Variants in SPIN1 observed in about 807,000 individuals in gnomAD.
SPIN1 encodes the protein spindlin 1.
Under a neutral mutation model 26.0 loss-of-function variants are expected in SPIN1, and 3 were observed. The ratio of observed to expected loss-of-function variants is 0.12; its 90% CI spans 0.05 to 0.30. The LOEUF (loss-of-function observed/expected upper bound fraction) is 0.30. Among genes scored for constraint, SPIN1 ranks in the 10% least tolerant of loss-of-function variants. SPIN1 has a pLI of 1.00. For synonymous variants in SPIN1, 101 were observed against 116.5 expected (o/e 0.87, Z 0.86); for missense variants, 126 against 333.4 (o/e 0.38, Z 4.84).
chr9:88,456,750 C>G (rs1828480512), intron 3 of SPIN1, among the ~76,000 whole-genome samples: 1 of 152,088 alleles, frequency 6.6e-6, no homozygotes, highest in African/African-American at 2.4e-5. Context: ...CATGAGGCAT[C>G]TTAGAGCACT....
intron 3 of SPIN1, among the ~76,000 whole-genome samples, chr9:88,454,548 C>A (rs1007561268): frequency 5.3e-5 from 8 of 151,862 alleles, no homozygotes; most frequent in Non-Finnish European, 1.0e-4. Flanking sequence ...ATTAAAATTT[C>A]TTTTAGGAAC....
At chr9:88,436,319 A>C (rs1587797461) in intron 2 of SPIN1, among the ~76,000 whole-genome samples, 1 of 152,220 alleles carries the variant, frequency 6.6e-6, no homozygotes, top group Non-Finnish European at 1.5e-5. Context: ...TTAGAGTTGC[A>C]AAGAGATAAC....
chr9:88,453,640 C>T (rs1828407542), intron 3 of SPIN1, among the ~76,000 whole-genome samples: 2 of 152,106 alleles, frequency 1.3e-5, no homozygotes, highest in South Asian at 4.1e-4. Context: ...GATTCTTCCG[C>T]CTCAGCCTTC....
intron 1 of SPIN1, 67 bp from the exon 2 acceptor site, chr9:88,426,315 A>C (rs1827765063): frequency 2.6e-6 from 1 of 388,980 alleles, no homozygotes; most frequent in East Asian, 4.4e-5. Context: ...TTTTATGTTT[A>C]ATGGCTCACT....
chr9:88,417,701 G>A (rs1250269165), intron 1 of SPIN1, among the ~76,000 whole-genome samples: 1 of 152,042 alleles, frequency 6.6e-6, no homozygotes, highest in Non-Finnish European at 1.5e-5. Flanking sequence ...TTGAACTCCT[G>A]ACCTCAAGTG....
At position 88,466,658 on chromosome 9, in the gene SPIN1, C is replaced by T. The variant is rs559819076; in HGVS notation, c.356-1714C>T. 2.0e-5 allele frequency among the ~76,000 whole-genome samples: 3 copies of T among 152,294 alleles called. No individual in the cohort carries two copies. The East Asian group carries it at 5.8e-4, about 29-fold the overall frequency. On this transcript the variant is annotated intron_variant, in intron 4 of 5. Transcript: ENST00000375859. ...AGCAATACATGTATCAAGAAAATCTCACTTTTTTGTTTCTTTTGATGTAAC... is the reference window on the plus strand; with the variant it reads ...AGCAATACATGTATCAAGAAAATCTTACTTTTTTGTTTCTTTTGATGTAAC...
chr9:88,415,910 A>ATTTTTTT (rs34382784), intron 1 of SPIN1, among the ~76,000 whole-genome samples: 2 of 131,714 alleles, frequency 1.5e-5, no homozygotes, highest in Non-Finnish European at 1.6e-5. Flanking sequence ...TGCTCGGCTA[A>ATTTTTTT]TTTTTTTTTT....
At chr9:88,443,962 T>C (rs1828191491) in intron 2 of SPIN1, among the ~76,000 whole-genome samples, 1 of 151,974 alleles carries the variant, frequency 6.6e-6, no homozygotes, top group African/African-American at 2.4e-5. Flanking sequence ...GGTTGCAGTT[T>C]AGGTTTTCTT....
intron 1 of SPIN1, among the ~76,000 whole-genome samples, chr9:88,389,026 G>A (rs1396401265): frequency 6.6e-6 from 1 of 151,462 alleles, no homozygotes; most frequent in African/African-American, 2.4e-5. Context: ...GGAGGGGCGG[G>A]ACCCCGGCGC....
chr9:88,391,058 CTTGGG>C (rs1826911534), intron 1 of SPIN1, among the ~76,000 whole-genome samples: 1 of 152,138 alleles, frequency 6.6e-6, no homozygotes, highest in Non-Finnish European at 1.5e-5. Context: ...TACTTGAACT[CTTGGG>C]TTGGGCTTCA....
chr9:88,423,379 G>A (rs1827707307), intron 1 of SPIN1, among the ~76,000 whole-genome samples: 1 of 152,090 alleles, frequency 6.6e-6, no homozygotes, highest in Non-Finnish European at 1.5e-5. Flanking sequence ...GAAAGGGAGT[G>A]GAGTCATGGG....
chr9:88,454,140 G>A (rs1181809280), intron 3 of SPIN1, among the ~76,000 whole-genome samples: 1 of 152,030 alleles, frequency 6.6e-6, no homozygotes, highest in African/African-American at 2.4e-5. Context: ...GAAGTATCTT[G>A]GTATTTGTTT....
Position 88,395,573 on chromosome 9 carries a change from G to T in SPIN1, c.-159+7035G>T, listed in dbSNP as rs549116071. On this transcript the variant is annotated intron_variant, in intron 1 of 5. Coordinates refer to ENST00000375859, the MANE Select transcript of SPIN1 (RefSeq NM_006717.3). Reference sequence around the variant, plus strand: ...TGTGGGGTGAAAGGTAAACACATTTGTAGTTTTGTTAGTGTCAAAATGTTA... The same window carrying T: ...TGTGGGGTGAAAGGTAAACACATTTTTAGTTTTGTTAGTGTCAAAATGTTA... 6.9e-4 allele frequency among the ~76,000 whole-genome samples: 105 copies of T among 151,972 alleles called. 1 individual carries two copies. Among genetic ancestry groups the T allele is most frequent in the Non-Finnish European group, 1.2e-3 (83 of 67,990 alleles).
At chr9:88,404,588 C>T (rs1827255488) in intron 1 of SPIN1, among the ~76,000 whole-genome samples, 1 of 152,032 alleles carries the variant, frequency 6.6e-6, no homozygotes, top group South Asian at 2.1e-4. Context: ...AAATTTATTA[C>T]TTTTGTTTTT....
At chr9:88,468,301 A>G in intron 4 of SPIN1, 71 bp from the exon 5 acceptor site, 1 of 1,157,522 alleles carries the variant, frequency 8.6e-7, no homozygotes, top group Non-Finnish European at 1.2e-6. Flanking sequence ...CTTCTTTAGT[A>G]AATTCAGTCT....
chr9:88,408,675 C>CT lies in SPIN1; in HGVS notation c.-158-17690dup, dbSNP rs773420022. On this transcript the variant is annotated intron_variant, in intron 1 of 5. Transcript: ENST00000375859. ...CAGGTGTGAGCCACCATGCCTGGCC[C>CT]TTTTTTTTTTTTTTTTTGAGACAGT... 8.9e-3 allele frequency among the ~76,000 whole-genome samples: 1,153 copies of CT among 128,838 alleles called. 11 individuals are homozygous for CT. The highest frequency in any genetic ancestry group is 0.017 in the African/African-American group (594 of 35,326). 84.5% of individuals were successfully genotyped at this position (128,838 alleles called of 152,430 possible). A position where few individuals can be genotyped will look rare whatever the true frequency, so the allele number is the denominator to read the frequency against.
At chr9:88,421,163 C>G (rs1827660032) in intron 1 of SPIN1, among the ~76,000 whole-genome samples, 1 of 152,160 alleles carries the variant, frequency 6.6e-6, no homozygotes, top group South Asian at 2.1e-4. Context: ...TTAAGCATTT[C>G]AACATGTTTC....
rs187880008 is a variant in SPIN1 at position 88,470,829 on chromosome 9, A to G, written c.589+2224A>G. Reference sequence around the variant, plus strand: ...GGCTCCTCTTGAACTCCTGACCTCAAAGGATCCACCTGCCTTGGCCTCCCA... The same window carrying G: ...GGCTCCTCTTGAACTCCTGACCTCAGAGGATCCACCTGCCTTGGCCTCCCA... On this transcript the variant is annotated intron_variant, in intron 5 of 5. Coordinates refer to ENST00000375859, the MANE Select transcript of SPIN1 (RefSeq NM_006717.3). 7.0e-3 allele frequency among the ~76,000 whole-genome samples: 1,064 copies of G among 152,160 alleles called. 10 individuals are homozygous for G. The highest frequency in any genetic ancestry group is 7.8e-3 in the Non-Finnish European group (532 of 68,004).
At chr9:88,474,002 T>A (rs1828843402) in intron 5 of SPIN1, among the ~76,000 whole-genome samples, 1 of 152,238 alleles carries the variant, frequency 6.6e-6, no homozygotes, top group African/African-American at 2.4e-5. Flanking sequence ...GAGATCACAG[T>A]AGCAGTTTTT....
Sources: gnomAD v4.1 joint callset for allele counts (sites outside exome capture counted in the v4.1 genomes callset) on GRCh38, gnomAD v4.1.1 for gene constraint, MANE v1.5 for transcripts, NCBI Gene and HGNC (gene_info 2026-07-23, HGNC 2026-07-21) for gene names.